Variants in SEMA3E observed in about 807,000 individuals in gnomAD.
The protein encoded by SEMA3E is semaphorin-3E.
In SEMA3E, 49 loss-of-function variants were observed where a neutral mutation model predicts 93.6. The observed-to-expected ratio is 0.52, with a 90% CI of 0.42 to 0.66. The LOEUF is 0.66. Ranked by LOEUF, SEMA3E falls within the 30% of genes least tolerant of loss-of-function variation. The probability of loss-of-function intolerance (pLI) is 0.00; values close to 1 mark genes in which losing one functional copy is unlikely to be tolerated. For synonymous variants in SEMA3E, 363 were observed against 330.7 expected (o/e 1.10, Z -1.06); for missense variants, 906 against 964.8 (o/e 0.94, Z 0.81).
In SEMA3E at chr7:83,392,674, G is replaced by T. The variant is rs938708854; in HGVS notation, c.1548C>A (p.Phe516Leu). 1 of 1,613,704 alleles carries T rather than the reference G, an allele frequency of 6.2e-7. No individual in the cohort carries two copies. The highest frequency in any genetic ancestry group is 1.3e-5 in the African/African-American group (1 of 74,854). ...GSASAVAQVR[F>L]HHCDMYGSAC... ...CACTTCCATACATGTCACAGTGATG[G>T]AATCTGACTTGAGCCACAGCAGAAG... The change falls in exon 14 of 17, where the codon TTC (phenylalanine) becomes TTA (leucine). Residue 516 changes from phenylalanine to leucine, a missense_variant. Phe to Leu is a conservative substitution (Grantham distance 22). Coordinates refer to ENST00000643230, the MANE Select transcript of SEMA3E (RefSeq NM_012431.3).
chr7:83,458,045 A>G (rs758964306), intron 4 of SEMA3E, among the ~76,000 whole-genome samples: 8 of 151,572 alleles, frequency 5.3e-5, no homozygotes, highest in Non-Finnish European at 1.0e-4. Context: ...TGACATATAT[A>G]TATATAATTT....
chr7:83,598,890 C>A (rs1249933996), intron 1 of SEMA3E, among the ~76,000 whole-genome samples: 8 of 152,142 alleles, frequency 5.3e-5, no homozygotes, highest in Admixed American at 3.3e-4. Context: ...CTTTATACCT[C>A]TTTGACATAA....
rs1457336444 is a variant in SEMA3E, at chr7:83,481,525, TGAG to T, written c.276+8586_276+8588del. ...AGTAAAATGCAAAAACTATTCTCTT[TGAG>T]GAGGTGGGAGATTCTCACATTAGAT... On this transcript the variant is annotated intron_variant, in intron 2 of 16. Transcript: ENST00000643230. Among the ~76,000 whole-genome samples, 52 of 152,192 alleles carry T rather than the reference TGAG, an allele frequency of 3.4e-4. 1 individual carries two copies. The highest frequency in any genetic ancestry group is 7.2e-5 in the African/African-American group (3 of 41,448).
chr7:83,374,027 A>G (rs376767954), intron 16 of SEMA3E, among the ~76,000 whole-genome samples: 43 of 151,952 alleles, frequency 2.8e-4, no homozygotes, highest in African/African-American at 9.2e-4. Flanking sequence ...ACCAACATGC[A>G]GAAACCCCAT....
In SEMA3E at chr7:83,411,636, G is replaced by A. The variant is rs527380572; in HGVS notation, c.551-3149C>T. On this transcript the variant is annotated intron_variant, in intron 5 of 16. Transcript: ENST00000643230. The stretch of plus-strand genomic sequence containing the variant: ...AGTAATTAAGTAAGCAAAAATACTG[G>A]GCATTATTAAAATTTTTAATACAAT... Among the ~76,000 whole-genome samples, 16 of 151,704 alleles carry A rather than the reference G, an allele frequency of 1.1e-4. No homozygotes were observed. The South Asian group carries it at 3.3e-3, about 32-fold the overall frequency.
At chr7:83,443,585 A>C (rs1789163004) in intron 4 of SEMA3E, among the ~76,000 whole-genome samples, 1 of 152,198 alleles carries the variant, frequency 6.6e-6, no homozygotes, top group Non-Finnish European at 1.5e-5. Flanking sequence ...AGAAATAAAC[A>C]TTTAAATTAT....
At chr7:83,454,528 A>G (rs1164535030) in intron 4 of SEMA3E, among the ~76,000 whole-genome samples, 1 of 151,984 alleles carries the variant, frequency 6.6e-6, no homozygotes, top group Non-Finnish European at 1.5e-5. Flanking sequence ...GGCACATTTC[A>G]GTCACATAAT....
chr7:83,634,838 G>GA (rs980784304), intron 1 of SEMA3E, among the ~76,000 whole-genome samples: 15 of 151,892 alleles, frequency 9.9e-5, no homozygotes, highest in Admixed American at 9.8e-4. Flanking sequence ...GACAAAATAA[G>GA]AAAAAATTAT....
chr7:83,554,994 A>AAATAAATAAATAAATAAATAAATGAATG (rs1554337680), intron 1 of SEMA3E, among the ~76,000 whole-genome samples: 5 of 148,144 alleles, frequency 3.4e-5, no homozygotes, highest in African/African-American at 1.2e-4. Flanking sequence ...ATAAATAAAT[A>AAATAAATAAATAAATAAATAAATGAATG]AATAAAAATG....
intron 4 of SEMA3E, among the ~76,000 whole-genome samples, chr7:83,421,467 G>A (rs1016775390): frequency 1.4e-5 from 2 of 141,792 alleles, no homozygotes; most frequent in East Asian, 1.9e-4. Flanking sequence ...TCTCCATTAA[G>A]TATACTACAA....
chr7:83,396,118 TAC>T lies in SEMA3E; in HGVS notation c.1458+518_1458+519del, dbSNP rs1247402776. Among the ~76,000 whole-genome samples the T allele has an allele frequency of 3.9e-5, 6 of 152,172 alleles. No homozygotes were observed. In the East Asian group the frequency reaches 1.2e-3, roughly 29 times the overall value. ...ATATATGCACACATATATATGTGTA[TAC>T]ACACATATATGTATACACACGTGCA... On this transcript the variant is annotated intron_variant, in intron 12 of 16. Transcript: ENST00000643230.
At chr7:83,487,680 G>A (rs1199392108) in intron 2 of SEMA3E, among the ~76,000 whole-genome samples, 2 of 66,128 alleles carry the variant, frequency 3.0e-5, no homozygotes, top group African/African-American at 1.0e-4. Flanking sequence ...CTGGCAGGAG[G>A]TCGTGTGTGT....
At chr7:83,397,681 C>T (rs1005453525) in intron 11 of SEMA3E, among the ~76,000 whole-genome samples, 112 of 152,056 alleles carry the variant, frequency 7.4e-4, no homozygotes, top group Non-Finnish European at 4.4e-5. Flanking sequence ...ATTTTAACAA[C>T]ACATTAATTT....
In SEMA3E at chr7:83,367,672, TGGA is replaced by T. The variant is rs1794691211; in HGVS notation, c.2239_2241del (p.Ser747del). On this transcript the variant is annotated inframe_deletion, in exon 17 of 17. Transcript: ENST00000643230. ...TCCTGAGGGTTGGCATACTTCCACT[TGGA>T]GGGTGACATTTTAAGCTTTTTCCTC... The T allele has an allele frequency of 6.2e-7, 1 of 1,614,154 alleles. No individual in the cohort carries two copies. Among genetic ancestry groups the T allele is most frequent in the Non-Finnish European group, 8.5e-7 (1 of 1,180,018 alleles).
chr7:83,369,649 G>T lies in SEMA3E; in HGVS notation c.1876-1611C>A, dbSNP rs1024248170. 3.9e-5 allele frequency among the ~76,000 whole-genome samples: 6 copies of T among 152,156 alleles called. 1 individual carries two copies. The highest frequency in any genetic ancestry group is 6.3e-3 in the Middle Eastern group (2 of 316). ...ATTAACTGGAGAGTGAAATCCTCCAGTGAGGAACCAAGAAGACCCTCAAAG... is the reference window on the plus strand; with the variant it reads ...ATTAACTGGAGAGTGAAATCCTCCATTGAGGAACCAAGAAGACCCTCAAAG... On this transcript the variant is annotated intron_variant, in intron 16 of 16. Coordinates refer to ENST00000643230, the MANE Select transcript of SEMA3E (RefSeq NM_012431.3).
chr7:83,495,820 C>T (rs958902555), intron 1 of SEMA3E, among the ~76,000 whole-genome samples: 2 of 151,832 alleles, frequency 1.3e-5, no homozygotes, highest in African/African-American at 4.8e-5. Context: ...AATTCAGGCT[C>T]TTCTAGAGAC....
chr7:83,584,061 GT>G (rs1281210023), intron 1 of SEMA3E, among the ~76,000 whole-genome samples: 1 of 152,176 alleles, frequency 6.6e-6, no homozygotes, highest in Non-Finnish European at 1.5e-5. Context: ...GTTTTATCCA[GT>G]TGAGGTAGTG....
At chr7:83,494,616 G>A (rs889804444) in intron 1 of SEMA3E, among the ~76,000 whole-genome samples, 5 of 151,792 alleles carry the variant, frequency 3.3e-5, no homozygotes, top group African/African-American at 7.2e-5. Context: ...CATGGTAATC[G>A]GAAAACAAAC....
chr7:83,511,062 A>T (rs1790807057), intron 1 of SEMA3E, among the ~76,000 whole-genome samples: 1 of 152,182 alleles, frequency 6.6e-6, no homozygotes, highest in African/African-American at 2.4e-5. Flanking sequence ...GTTGAAATCT[A>T]CAAGTTTGAT....
Sources: gnomAD v4.1 joint callset for allele counts (sites outside exome capture counted in the v4.1 genomes callset) on GRCh38, gnomAD v4.1.1 for gene constraint, MANE v1.5 for transcripts, NCBI Gene and HGNC (gene_info 2026-07-23, HGNC 2026-07-21) for gene names.